Variants in VPS13D observed in about 807,000 individuals in gnomAD.
VPS13D encodes the protein intermembrane lipid transfer protein VPS13D.
Under a neutral mutation model 461.9 loss-of-function variants are expected in VPS13D, and 187 were observed. That is an observed-to-expected ratio of 0.40 (90% CI 0.36 to 0.46). VPS13D has a LOEUF of 0.46. VPS13D is among the 20% of genes least tolerant of loss of function. The pLI is 0.60. For missense variants in VPS13D, 4,711 were observed against 5,364.9 expected (o/e 0.88, Z 3.81); for synonymous variants, 1,951 against 1,986.3 (o/e 0.98, Z 0.47).
At chr1:12,474,472 C>CG (rs1645603972) in intron 67 of VPS13D, among the ~76,000 whole-genome samples, 1 of 151,240 alleles carries the variant, frequency 6.6e-6, no homozygotes, top group African/African-American at 2.4e-5. Context: ...TTATGTAGGT[C>CG]GGGGTCCCCT....
rs1644070569 is a variant in VPS13D at position 12,368,496 on chromosome 1, C to T, written c.10477C>T (p.Arg3493Ter). Residue 3493 changes from arginine to a stop codon, truncating the protein, a stop_gained, in exon 53 of 70, where the codon CGA (arginine) becomes TGA (stop). Transcript: ENST00000620676. LOFTEE classifies it high-confidence loss of function. ...TACCTTGGGAAAATGCTTCTTCCTA[C>T]GAGTGGAAATTACTCTCCGAGGAGC... ...RDTLGKCFFL[R>*]VEITLRGATY... 3 of 1,613,092 alleles carry T rather than the reference C, an allele frequency of 1.9e-6. No individual in the cohort carries two copies. Among genetic ancestry groups the T allele is most frequent in the South Asian group, 2.2e-5 (2 of 90,978 alleles).
At chr1:12,386,148 A>G in intron 59 of VPS13D, 37 bp from the exon 60 acceptor site, 1 of 1,589,364 alleles carries the variant, frequency 6.3e-7, no homozygotes, top group Non-Finnish European at 8.5e-7. Context: ...AGCTGTGTTT[A>G]AAACAATCAG....
intron 35 of VPS13D, among the ~76,000 whole-genome samples, chr1:12,326,550 G>T (rs539335710): frequency 6.6e-6 from 1 of 151,492 alleles, no homozygotes. Flanking sequence ...TGCCCAGGCT[G>T]GTCTCAAATT....
intron 65 of VPS13D, among the ~76,000 whole-genome samples, chr1:12,432,666 T>C (rs1645007985): frequency 6.6e-6 from 1 of 151,642 alleles, no homozygotes; most frequent in Non-Finnish European, 1.5e-5. Flanking sequence ...CACCATCTTG[T>C]CTCACTGCAA....
In VPS13D at chr1:12,251,842, G is replaced by T. The variant is rs543482468; in HGVS notation, c.565-1880G>T. Among the ~76,000 whole-genome samples, 3 of 152,234 alleles carry T rather than the reference G, an allele frequency of 2.0e-5. No homozygotes were observed. The South Asian group carries it at 6.2e-4, about 32-fold the overall frequency. ...CCTTTCCTAATGGATTTGATAACCA[G>T]GGCAGCCCTAACACATTGCCACAAA... On this transcript the variant is annotated intron_variant, in intron 6 of 69. Transcript: ENST00000620676.
intron 22 of VPS13D, among the ~76,000 whole-genome samples, chr1:12,289,392 G>A (rs1642061541): frequency 1.3e-5 from 2 of 152,092 alleles, no homozygotes; most frequent in Admixed American, 1.3e-4. Flanking sequence ...CTTTAGTAGA[G>A]ATTTATGAAA....
intron 54 of VPS13D, among the ~76,000 whole-genome samples, chr1:12,371,367 G>A (rs1482870349): frequency 2.7e-5 from 4 of 150,768 alleles, no homozygotes; most frequent in South Asian, 4.2e-4. Flanking sequence ...TATACACATT[G>A]TAGCATGTGG....
chr1:12,244,256 G>A lies in VPS13D; in HGVS notation c.186G>A (p.Gly62=), dbSNP rs1276599576. 2.5e-6 allele frequency: 4 copies of A among 1,611,616 alleles called. No individual in the cohort carries two copies. The highest frequency in any genetic ancestry group is 1.1e-5 in the South Asian group (1 of 90,626). ...TCCTTCTCCTTCCAGGCTTCATTGGGAAAGTAACCCTTCAGATTCCCTTTT... is the reference window on the plus strand; with the variant it reads ...TCCTTCTCCTTCCAGGCTTCATTGGAAAAGTAACCCTTCAGATTCCCTTTT... ...LPFEVKAGFI[G]KVTLQIPFYR... The change falls in exon 4 of 70, where the codon GGG becomes GGA. Residue 62 remains glycine, a synonymous_variant. Coordinates refer to ENST00000620676, the MANE Select transcript of VPS13D (RefSeq NM_015378.4).
At position 12,350,062 on chromosome 1, in the gene VPS13D, A is replaced by G. The variant is rs373814986; in HGVS notation, c.9431+688A>G. Among the ~76,000 whole-genome samples the G allele has an allele frequency of 2.6e-5, 4 of 152,362 alleles. No homozygotes were observed. In the East Asian group the frequency reaches 5.8e-4, roughly 22 times the overall value. On this transcript the variant is annotated intron_variant, in intron 46 of 69. Transcript: ENST00000620676. ...TCTTTACCCAGATCTGCAAATTGTTAACAGACTAAAGGAAGAAATACATCA... is the reference window on the plus strand; with the variant it reads ...TCTTTACCCAGATCTGCAAATTGTTGACAGACTAAAGGAAGAAATACATCA...
chr1:12,456,430 G>C (rs1351457682), intron 66 of VPS13D, among the ~76,000 whole-genome samples: 1 of 151,960 alleles, frequency 6.6e-6, no homozygotes, highest in Non-Finnish European at 1.5e-5. Context: ...TTGAGGTCAG[G>C]AGTTTGAGAC....
intron 5 of VPS13D, among the ~76,000 whole-genome samples, 162 bp from the exon 6 acceptor site, chr1:12,249,061 A>G (rs1557663025): frequency 6.6e-6 from 1 of 152,198 alleles, no homozygotes; most frequent in Non-Finnish European, 1.5e-5. Flanking sequence ...TTGTGTTTGT[A>G]TAAAGTGCCT....
At position 12,489,643 on chromosome 1, in the gene VPS13D, C is replaced by G. The variant is rs543944693; in HGVS notation, c.12663-7857C>G. 7.9e-4 allele frequency among the ~76,000 whole-genome samples: 121 copies of G among 152,284 alleles called. 1 individual carries two copies. Among genetic ancestry groups the G allele is most frequent in the African/African-American group, 2.7e-3 (112 of 41,566 alleles). On this transcript the variant is annotated intron_variant, in intron 67 of 69. Transcript: ENST00000620676. ...AGTACAAGAGGTTGGATGTTACACCCTAGCCCATCTTAGATCCCAGACACC... is the reference window on the plus strand; with the variant it reads ...AGTACAAGAGGTTGGATGTTACACCGTAGCCCATCTTAGATCCCAGACACC...
intron 63 of VPS13D, among the ~76,000 whole-genome samples, chr1:12,409,174 A>AT (rs1396649987): frequency 2.0e-5 from 3 of 150,964 alleles, no homozygotes; most frequent in East Asian, 1.9e-4. Flanking sequence ...TTTGAATCTA[A>AT]TTTTTTTTTG....
At chr1:12,444,735 A>G (rs1189268609) in intron 65 of VPS13D, among the ~76,000 whole-genome samples, 1 of 152,226 alleles carries the variant, frequency 6.6e-6, no homozygotes, top group African/African-American at 2.4e-5. Flanking sequence ...TAATCATACT[A>G]TACCAGTGAT....
At chr1:12,273,261 A>G (rs1641507518) in intron 18 of VPS13D, 126 bp downstream of exon 18, 7 of 1,222,240 alleles carry the variant, frequency 5.7e-6, no homozygotes, top group Non-Finnish European at 6.7e-6. Context: ...TTAAACTTCA[A>G]GGTTCATCTG....
At chr1:12,430,051 G>C (rs1228455566) in intron 65 of VPS13D, among the ~76,000 whole-genome samples, 1 of 152,146 alleles carries the variant, frequency 6.6e-6, no homozygotes, top group African/African-American at 2.4e-5. Context: ...AGCAGAACAT[G>C]CTTCCCAAAC....
chr1:12,352,316 G>A (rs976006842), intron 46 of VPS13D, among the ~76,000 whole-genome samples: 3 of 151,972 alleles, frequency 2.0e-5, no homozygotes, highest in Non-Finnish European at 4.4e-5. Context: ...GAGTACACAG[G>A]CCACAGAATT....
intron 18 of VPS13D, 127 bp downstream of exon 18, chr1:12,273,262 G>A (rs1641507632): frequency 2.5e-6 from 3 of 1,201,926 alleles, no homozygotes; most frequent in Middle Eastern, 2.5e-4. Flanking sequence ...TAAACTTCAA[G>A]GTTCATCTGT....
In VPS13D at chr1:12,460,325, G is replaced by T. The variant is rs367944805; in HGVS notation, c.12591G>T (p.Val4197=). ...TTGTTGGCACTGTAACCAAGCCAGT[G>T]GCAGGCGCCCTGGATTTTGCATCAG... is the stretch of plus-strand genomic sequence containing the variant. ...KGLVGTVTKP[V]AGALDFASET... is the part of the protein sequence containing the mutation. The change falls in exon 67 of 70, where the codon GTG becomes GTT. Residue 4197 remains valine (V), a synonymous_variant. Transcript: ENST00000620676. 6.2e-6 allele frequency: 10 copies of T among 1,613,044 alleles called. No individual in the cohort carries two copies. The highest frequency in any genetic ancestry group is 5.0e-5 in the Admixed American group (3 of 59,872).
Sources: allele counts gnomAD v4.1 joint callset (sites outside exome capture counted in the v4.1 genomes callset), GRCh38; gene constraint gnomAD v4.1.1; transcripts MANE v1.5; gene names NCBI Gene and HGNC (gene_info 2026-07-23, HGNC 2026-07-21).